Variants in SPADH observed in about 807,000 individuals in gnomAD.
The protein encoded by SPADH is CUB domain-containing protein.
At chr10:122,676,684 C>T in the SPADH span, 4 of 981,164 alleles carry the variant, frequency 4.1e-6, no homozygotes, top group Non-Finnish European at 3.6e-6. Flanking sequence ...ACAGGGGCCC[C>T]TGGAATGACA....
chr10:122,675,764 C>T, the SPADH span: 32,758 of 349,394 alleles, frequency 0.094, 1,663 homozygotes, highest in Middle Eastern at 0.12. Flanking sequence ...GAGAAGGGCA[C>T]GTACCAGGGA....
chr10:122,673,024 C>A, the SPADH span: 2 of 649,280 alleles, frequency 3.1e-6, no homozygotes, highest in Non-Finnish European at 3.8e-6. Context: ...AGGAAGAAGC[C>A]CATGGCTGAT....
chr10:122,674,837 T>C, the SPADH span, among the ~76,000 whole-genome samples: 1 of 152,132 alleles, frequency 6.6e-6, no homozygotes, highest in Non-Finnish European at 1.5e-5. Context: ...AGATGCCCAT[T>C]GTATAGATGA....
At chr10:122,674,381 A>G in the SPADH span, among the ~76,000 whole-genome samples, 2 of 152,372 alleles carry the variant, frequency 1.3e-5, no homozygotes, top group Middle Eastern at 3.4e-3. Context: ...CCATGCCTCA[A>G]GGCCTTTGCC....
chr10:122,672,858 G>T, the SPADH span: 1 of 985,164 alleles, frequency 1.0e-6, no homozygotes. Flanking sequence ...TCACTCCTGA[G>T]GTTGGTGCCA....
chr10:122,679,108 C>A, the SPADH span: 2 of 713,428 alleles, frequency 2.8e-6, no homozygotes, highest in Non-Finnish European at 3.4e-6. Flanking sequence ...GAGCCTGGTT[C>A]TGCATATGTT....
the SPADH span, among the ~76,000 whole-genome samples, chr10:122,675,935 G>A: frequency 6.6e-6 from 1 of 152,140 alleles, no homozygotes; most frequent in Non-Finnish European, 1.5e-5. Context: ...TGACCAGCCT[G>A]CTGGGCAGGG....
At chr10:122,675,686 A>G in the SPADH span, 1 of 976,822 alleles carries the variant, frequency 1.0e-6, no homozygotes, top group Non-Finnish European at 1.2e-6. Flanking sequence ...TGCAGACAAG[A>G]CTGTTACCCT....
At chr10:122,678,155 T>A in the SPADH span, among the ~76,000 whole-genome samples, 1 of 152,070 alleles carries the variant, frequency 6.6e-6, no homozygotes, top group African/African-American at 2.4e-5. Flanking sequence ...CTCCAGCCCC[T>A]CCTTGTGAAC....
the SPADH span, chr10:122,676,720 C>A: frequency 1.0e-6 from 1 of 985,258 alleles, no homozygotes; most frequent in Non-Finnish European, 1.2e-6. Flanking sequence ...CCTAGAGCAT[C>A]CCTGCAGTGC....
At chr10:122,676,770 G>GC in the SPADH span, 1 of 985,350 alleles carries the variant, frequency 1.0e-6, no homozygotes, top group Non-Finnish European at 1.2e-6. Flanking sequence ...CAGTGACTGT[G>GC]GGGGCCACTA....
chr10:122,677,540 C>T, the SPADH span, among the ~76,000 whole-genome samples: 1 of 152,190 alleles, frequency 6.6e-6, no homozygotes, highest in Non-Finnish European at 1.5e-5. Context: ...AGTGATAAAG[C>T]CACAGAAGGC....
the SPADH span, chr10:122,675,617 T>TTTTTG: frequency 2.0e-6 from 2 of 979,396 alleles, no homozygotes; most frequent in Non-Finnish European, 2.4e-6. Context: ...TTCATGGTTT[T>TTTTTG]TTTTGTTTTG....
chr10:122,673,048 C>T, the SPADH span: 1 of 388,048 alleles, frequency 2.6e-6, no homozygotes, highest in Non-Finnish European at 3.5e-6. Flanking sequence ...CTGAAAGATA[C>T]TCTCTTCCAT....
chr10:122,674,659 G>A, the SPADH span, among the ~76,000 whole-genome samples: 2 of 152,214 alleles, frequency 1.3e-5, no homozygotes, highest in Non-Finnish European at 2.9e-5. Context: ...GTAGCATTAT[G>A]AGGATTGCTA....
At chr10:122,675,698 T>G in the SPADH span, 1 of 961,896 alleles carries the variant, frequency 1.0e-6, no homozygotes, top group African/African-American at 1.8e-5. Flanking sequence ...TGTTACCCTC[T>G]TTCCCTTGCC....
the SPADH span, chr10:122,678,898 G>A: frequency 3.0e-6 from 3 of 984,908 alleles, no homozygotes; most frequent in Non-Finnish European, 3.6e-6. Context: ...GACCTCCAGG[G>A]TCTGAGTCCT....
At chr10:122,672,911 G>A in the SPADH span, 19 of 985,326 alleles carry the variant, frequency 1.9e-5, no homozygotes, top group South Asian at 7.5e-4. Context: ...TCGCTTGGCC[G>A]CTGCTGTGCA....
chr10:122,676,135 A>G, the SPADH span, among the ~76,000 whole-genome samples: 3 of 152,224 alleles, frequency 2.0e-5, no homozygotes, highest in African/African-American at 7.2e-5. Context: ...TGCAGGCTAG[A>G]GGGAGGAGCA....
Sources: gnomAD v4.1 joint callset for allele counts (sites outside exome capture counted in the v4.1 genomes callset) on GRCh38, gnomAD v4.1.1 for gene constraint, MANE v1.5 for transcripts, NCBI Gene and HGNC (gene_info 2026-07-23, HGNC 2026-07-21) for gene names.